Variants in CYP20A1 observed in about 807,000 individuals in gnomAD.
CYP20A1 encodes the protein cytochrome P450 family 20 subfamily A member 1.
In CYP20A1, 61 loss-of-function variants were observed where a neutral mutation model predicts 61.4. That is an observed-to-expected ratio of 0.99 (90% CI 0.81 to 1.23). The LOEUF (loss-of-function observed/expected upper bound fraction) is 1.23. Among genes scored for constraint, CYP20A1 ranks in the 50% most tolerant of loss-of-function variants. The pLI, the probability that CYP20A1 is intolerant of heterozygous loss-of-function variation, is 0.00. For synonymous variants in CYP20A1, 193 were observed against 188.2 expected (o/e 1.03, Z -0.21); for missense variants, 530 against 542.4 (o/e 0.98, Z 0.23).
intron 4 of CYP20A1, among the ~76,000 whole-genome samples, chr2:203,263,149 CG>C (rs1012301771): frequency 6.7e-6 from 1 of 150,114 alleles, no homozygotes; most frequent in African/African-American, 2.5e-5. Context: ...CCACTATGCC[CG>C]GATAATTTTT....
In CYP20A1 at chr2:203,252,113, A is replaced by G. The variant is rs1212480198; in HGVS notation, c.432+4A>G. 6.2e-7 allele frequency: 1 copy of G among 1,602,166 alleles called. No homozygotes were observed. Among genetic ancestry groups the G allele is most frequent in the South Asian group, 1.1e-5 (1 of 89,562 alleles). ...TAACTTTGCCCTCCTCCTAAAGGTA[A>G]GGTGATAAGTAGTTTGGTCTAGTGT... On this transcript the variant is annotated splice_donor_region_variant and intron_variant, in intron 4 of 12. Transcript: ENST00000356079.
rs574351487 is a variant in CYP20A1 at position 203,254,359 on chromosome 2, A to G, written c.432+2250A>G. Among the ~76,000 whole-genome samples the G allele has an allele frequency of 2.6e-5, 4 of 152,202 alleles. No individual in the cohort carries two copies. The East Asian group carries it at 7.7e-4, about 29-fold the overall frequency. Reference sequence around the variant, plus strand: ...CAGGAGTTCGAGACTGGCCTGCCTAATATGATGAAACCCTATCTTTACTAA... The same window carrying G: ...CAGGAGTTCGAGACTGGCCTGCCTAGTATGATGAAACCCTATCTTTACTAA... On this transcript the variant is annotated intron_variant, in intron 4 of 12. Coordinates refer to ENST00000356079, the MANE Select transcript of CYP20A1 (RefSeq NM_177538.3).
chr2:203,272,683 T>C lies in CYP20A1; in HGVS notation c.614T>C (p.Ile205Thr). Residue 205 changes from isoleucine to threonine, a missense_variant, in exon 6 of 13, where the codon ATT becomes ACT. Ile to Thr is a moderately conservative substitution (Grantham distance 89, BLOSUM62 -1). Transcript: ENST00000356079. Reference protein sequence around the residue: ...QKNHGTVWSEIGKGFLDGSLD... With the variant: ...QKNHGTVWSETGKGFLDGSLD... ...ACCTATTTTCAGGTTTGGTCTGAGA[T>C]TGGAAAAGGCTTTCTAGATGGGTCA... is the stretch of plus-strand genomic sequence containing the variant. 1 of 1,604,710 alleles carries C rather than the reference T, an allele frequency of 6.2e-7. No individual in the cohort carries two copies.
chr2:203,283,211 ATT>A (rs371972851), intron 8 of CYP20A1, among the ~76,000 whole-genome samples: 3 of 83,508 alleles, frequency 3.6e-5, no homozygotes, highest in South Asian at 5.3e-4. Flanking sequence ...CAATGTGAGA[ATT>A]TTTTTTTTTT....
At chr2:203,286,881 G>A (rs2068294535) in intron 9 of CYP20A1, among the ~76,000 whole-genome samples, 1 of 151,842 alleles carries the variant, frequency 6.6e-6, no homozygotes, top group Non-Finnish European at 1.5e-5. Flanking sequence ...CTGAGACTGG[G>A]TAGCAAGCAA....
intron 10 of CYP20A1, among the ~76,000 whole-genome samples, chr2:203,290,817 A>G (rs1251804843): frequency 6.6e-6 from 1 of 151,636 alleles, no homozygotes; most frequent in Non-Finnish European, 1.5e-5. Context: ...TGATTTTTAT[A>G]TTTTTAGTAG....
intron 4 of CYP20A1, among the ~76,000 whole-genome samples, chr2:203,264,716 TA>T (rs1478210267): frequency 4.9e-5 from 1 of 20,568 alleles, no homozygotes; most frequent in African/African-American, 8.4e-5. Flanking sequence ...TATACTTTTA[TA>T]TTTTTTTTAT....
chr2:203,296,251 G>A (rs190431824), intron 11 of CYP20A1, among the ~76,000 whole-genome samples: 5 of 152,274 alleles, frequency 3.3e-5, no homozygotes, highest in East Asian at 3.9e-4. Flanking sequence ...GTGACAGAGC[G>A]AGACCCTGTC....
rs1390288440 is a variant in CYP20A1, at chr2:203,296,926, A to T, written c.*18A>T. 1.4e-6 allele frequency: 2 copies of T among 1,410,506 alleles called. No individual in the cohort carries two copies. The highest frequency in any genetic ancestry group is 4.8e-5 in the East Asian group (2 of 41,508). 87.4% of individuals were successfully genotyped at this position (1,410,506 alleles called of 1,614,324 possible). On this transcript the variant is annotated 3_prime_UTR_variant, in exon 13 of 13. Transcript: ENST00000356079. ...GATATTAAAATTTTATACATTTAAA[A>T]TCATTGTTAAATTGATTGAGGAAAA...
intron 3 of CYP20A1, 150 bp from the exon 4 acceptor site, chr2:203,251,817 A>ATATATGTGTGTATATATATATATATAT (rs34111991): frequency 2.1e-5 from 2 of 95,320 alleles, no homozygotes; most frequent in Admixed American, 1.4e-4. Context: ...ATATATATAT[A>ATATATGTGTGTATATATATATATATAT]AAAAATAAAA....
chr2:203,247,812 G>A (rs1240214879), intron 3 of CYP20A1, among the ~76,000 whole-genome samples: 5 of 151,884 alleles, frequency 3.3e-5, no homozygotes, highest in East Asian at 3.9e-4. Context: ...AGCTGAGATC[G>A]CACCACTGCA....
In CYP20A1 at chr2:203,246,785, T is replaced by G. The variant is rs758083852; in HGVS notation, c.153T>G (p.Ser51Arg). The G allele has an allele frequency of 6.2e-7, 1 of 1,614,192 alleles. No individual in the cohort carries two copies. Among genetic ancestry groups the G allele is most frequent in the South Asian group, 1.1e-5 (1 of 91,076 alleles). Residue 51 changes from serine (S) to arginine (R), a missense_variant, in exon 3 of 13, where the codon AGT (serine) becomes AGG (arginine). By Grantham distance (110) the Ser-to-Arg change is moderately radical. Transcript: ENST00000356079. ...GTAATCTTCCAGATATTGTGAATAG[T>G]GGAAGTTTGCATGAGTTCCTGGTTA... ...KDGNLPDIVN[S>R]GSLHEFLVNL... is the part of the protein sequence containing the mutation.
chr2:203,283,661 G>T (rs536608235), intron 8 of CYP20A1, among the ~76,000 whole-genome samples: 2 of 149,662 alleles, frequency 1.3e-5, no homozygotes, highest in South Asian at 4.2e-4. Flanking sequence ...CAATTCTCCT[G>T]CCTCAGCCTT....
At chr2:203,275,595 G>A (rs1014987675) in intron 6 of CYP20A1, among the ~76,000 whole-genome samples, 1 of 151,890 alleles carries the variant, frequency 6.6e-6, no homozygotes, top group Non-Finnish European at 1.5e-5. Context: ...GCCTGCCGCC[G>A]TGCTCAAATA....
At chr2:203,257,970 T>C (rs940110911) in intron 4 of CYP20A1, among the ~76,000 whole-genome samples, 5 of 152,230 alleles carry the variant, frequency 3.3e-5, no homozygotes, top group African/African-American at 4.8e-5. Flanking sequence ...GGCACAATTA[T>C]AGCTCACTGG....
Position 203,292,214 on chromosome 2 carries a change from A to G in CYP20A1, c.1084-48A>G, listed in dbSNP as rs771930985. ...GGAATAAGTTGACTTTCTAGGAGTC[A>G]TTTTATCTCTGTTAGTCCTTGACTA... On this transcript the variant is annotated intron_variant, in intron 10 of 12. Transcript: ENST00000356079. The G allele has an allele frequency of 1.3e-4, 168 of 1,298,220 alleles. No homozygotes were observed. The East Asian group carries it at 3.8e-3, about 30-fold the overall frequency. 80.4% of individuals were successfully genotyped at this position (1,298,220 alleles called of 1,614,324 possible).
chr2:203,266,462 G>A, intron 4 of CYP20A1, 52 bp from the exon 5 acceptor site: 1 of 1,518,724 alleles, frequency 6.6e-7, no homozygotes, highest in Non-Finnish European at 9.1e-7. Context: ...AACATTTTCT[G>A]AGATTTAGAA....
intron 6 of CYP20A1, among the ~76,000 whole-genome samples, chr2:203,277,098 C>T (rs534259964): frequency 5.9e-5 from 9 of 152,038 alleles, no homozygotes; most frequent in Non-Finnish European, 1.0e-4. Context: ...CCTGTAATCC[C>T]GGCACTTTGG....
In CYP20A1 at chr2:203,245,081, G is replaced by C. The variant is rs2066413810; in HGVS notation, c.73-765G>C. ...GTCTTGCTCTGTTGCCCAGGCTGTA[G>C]TGCAGTAGCACGATGTTGGCTCAGT... On this transcript the variant is annotated intron_variant, in intron 1 of 12. Coordinates refer to ENST00000356079, the MANE Select transcript of CYP20A1 (RefSeq NM_177538.3). Among the ~76,000 whole-genome samples the C allele has an allele frequency of 5.7e-5, 8 of 140,674 alleles. 1 individual carries two copies. In the Admixed American group the frequency reaches 6.0e-4, roughly 11 times the overall value. 92.3% of individuals were successfully genotyped at this position (140,674 alleles called of 152,430 possible).
Sources: allele counts gnomAD v4.1 joint callset (sites outside exome capture counted in the v4.1 genomes callset), GRCh38; gene constraint gnomAD v4.1.1; transcripts MANE v1.5; gene names NCBI Gene and HGNC (gene_info 2026-07-23, HGNC 2026-07-21).